The following FXYD7 variants were observed in gnomAD, a reference collection of about 807,000 sequenced individuals.
The protein encoded by FXYD7 is FXYD domain containing ion transport regulator 7, also known as FXYD domain-containing ion transport regulator 7.
In FXYD7, 7 loss-of-function variants were observed where a neutral mutation model predicts 15.3. That is an observed-to-expected ratio of 0.46 (90% CI 0.26 to 0.86). The LOEUF (loss-of-function observed/expected upper bound fraction) is 0.86, where lower values mean the gene tolerates loss of function less well. FXYD7 is among the 40% of genes least tolerant of loss of function. The pLI is 0.16. For synonymous variants in FXYD7, 39 were observed against 39.3 expected, an observed-to-expected ratio of 0.99 and a Z score of 0.03; for missense variants, 78 against 100.6, an observed-to-expected ratio of 0.78 and a Z score of 0.96.
intron 1 of FXYD7, among the ~76,000 whole-genome samples, chr19:35,148,098 AGAG>A: frequency 7.9e-6 from 1 of 126,732 alleles, no homozygotes; most frequent in East Asian, 2.6e-4. Flanking sequence ...AAAGAAAGAG[AGAG>A]AGAAAGAAAG....
rs954084904 is a variant in FXYD7 at position 35,153,033 on chromosome 19, C to CTTTTTTTTTTTT, written c.221-843_221-832dup. On this transcript the variant is annotated intron_variant, in intron 5 of 5. Transcript: ENST00000270310. Reference sequence around the variant, plus strand: ...TTGGTGTGGAATTTGTTTCACGTTCCTTTTTTTTTTTTTTTTTTTTTTTTT... The same window carrying CTTTTTTTTTTTT: ...TTGGTGTGGAATTTGTTTCACGTTCCTTTTTTTTTTTTTTTTTTTTTTTTTTTTTTTTTTTTT... Among the ~76,000 whole-genome samples the CTTTTTTTTTTTT allele has an allele frequency of 1.5e-3, 67 of 44,126 alleles. 6 individuals are homozygous for CTTTTTTTTTTTT. Among genetic ancestry groups the CTTTTTTTTTTTT allele is most frequent in the African/African-American group, 5.1e-3 (49 of 9,620 alleles). 28.9% of individuals were successfully genotyped at this position (44,126 alleles called of 152,430 possible).
chr19:35,145,671 C>T (rs866710545), intron 1 of FXYD7, among the ~76,000 whole-genome samples: 13 of 152,348 alleles, frequency 8.5e-5, no homozygotes, highest in Middle Eastern at 3.4e-3. Flanking sequence ...CCTGAAGCAG[C>T]GTCTCACCAT....
chr19:35,149,602 A>G (rs959946607), intron 2 of FXYD7: 1 of 154,996 alleles, frequency 6.5e-6, no homozygotes, highest in Non-Finnish European at 1.4e-5. Flanking sequence ...TGAGTGCTCC[A>G]TAAATTCATA....
chr19:35,152,922 T>C (rs1445225858), intron 5 of FXYD7, among the ~76,000 whole-genome samples: 1 of 142,736 alleles, frequency 7.0e-6, no homozygotes, highest in Non-Finnish European at 1.5e-5. Flanking sequence ...TCTGTGTCTC[T>C]TATAAAGTTC....
Position 35,153,996 on chromosome 19 carries a change from G to T in FXYD7, c.*80G>T. On this transcript the variant is annotated 3_prime_UTR_variant, in exon 6 of 6. Coordinates refer to ENST00000270310, the MANE Select transcript of FXYD7 (RefSeq NM_022006.2). The stretch of plus-strand genomic sequence containing the variant: ...ACCGGGTGGAGGCGGTGGGGACCCA[G>T]CCGCGCGCCGGGAGCGCTCCCCGGA... The T allele has an allele frequency of 7.1e-7, 1 of 1,416,550 alleles. No homozygotes were observed. The highest frequency in any genetic ancestry group is 9.9e-7 in the Non-Finnish European group (1 of 1,013,944). The allele number at this position is 1,416,550 out of a possible 1,614,324, so 87.7% of individuals were successfully genotyped here.
chr19:35,146,851 G>A (rs1223274777), intron 1 of FXYD7, among the ~76,000 whole-genome samples: 1 of 152,156 alleles, frequency 6.6e-6, no homozygotes, highest in Non-Finnish European at 1.5e-5. Flanking sequence ...CAGAGACCTG[G>A]GAAGGGTAAA....
At chr19:35,152,152 AAAAG>A (rs2065313259) in intron 5 of FXYD7, among the ~76,000 whole-genome samples, 1 of 149,698 alleles carries the variant, frequency 6.7e-6, no homozygotes, top group African/African-American at 2.5e-5. Context: ...AAAAAAAAAA[AAAAG>A]AGGAAGGAAG....
At chr19:35,144,466 A>T (rs114149366) in intron 1 of FXYD7, among the ~76,000 whole-genome samples, 2,542 of 152,272 alleles carry the variant, frequency 0.017, 50 homozygotes, top group African/African-American at 0.056. Flanking sequence ...CTGCTTCAAG[A>T]GGGAGCCAGT....
chr19:35,151,775 G>T, intron 5 of FXYD7, 102 bp downstream of exon 5: 2 of 742,934 alleles, frequency 2.7e-6, no homozygotes, highest in East Asian at 2.7e-5. Flanking sequence ...GCAGGGGGCG[G>T]AGGGGGGGTG....
intron 1 of FXYD7, among the ~76,000 whole-genome samples, chr19:35,144,756 G>T (rs2065283073): frequency 6.6e-6 from 1 of 152,096 alleles, no homozygotes; most frequent in African/African-American, 2.4e-5. Flanking sequence ...TGGTTAGCAG[G>T]ATCGATGGCA....
At chr19:35,149,123 T>C in intron 2 of FXYD7, 1 of 455,966 alleles carries the variant, frequency 2.2e-6, no homozygotes, top group South Asian at 1.6e-5. Flanking sequence ...CAAGGGATAG[T>C]AATAGTTCCC....
chr19:35,144,561 T>A (rs1600490329), intron 1 of FXYD7, among the ~76,000 whole-genome samples: 1 of 149,944 alleles, frequency 6.7e-6, no homozygotes, highest in East Asian at 2.0e-4. Context: ...GAATTCCACT[T>A]GGATGGCTCC....
chr19:35,144,996 A>G (rs926136095), intron 1 of FXYD7, among the ~76,000 whole-genome samples: 1 of 152,152 alleles, frequency 6.6e-6, no homozygotes, highest in African/African-American at 2.4e-5. Context: ...AGGGAGAGTT[A>G]GGAGTGAACA....
chr19:35,151,635 CA>C lies in FXYD7; in HGVS notation c.184del (p.Thr62ProfsTer37). The C allele has an allele frequency of 6.2e-7, 1 of 1,612,930 alleles. No homozygotes were observed. The highest frequency in any genetic ancestry group is 1.1e-5 in the South Asian group (1 of 91,058). On this transcript the variant is annotated frameshift_variant, in exon 5 of 6. Transcript: ENST00000270310. LOFTEE classifies it high-confidence loss of function. The stretch of plus-strand genomic sequence containing the variant: ...CTCTCTCATCTCTGCCTCCACAGCC[CA>C]ACCTGCAAATCCTGTAAGTCTGAGC... ...CRKADSRSES[P>X]TCKSCKSELP...
Position 35,148,688 on chromosome 19 carries a change from C to T in FXYD7, c.32-6C>T. 6.4e-7 allele frequency: 1 copy of T among 1,556,394 alleles called. No individual in the cohort carries two copies. The highest frequency in any genetic ancestry group is 1.2e-5 in the South Asian group (1 of 84,394). On this transcript the variant is annotated splice_region_variant and splice_polypyrimidine_tract_variant and intron_variant, in intron 1 of 5. Transcript: ENST00000270310. ...CTTTCTCTTTTTCTCTGCTTCTTTC[C>T]CTCAGCTCCTGAGGAACCTGACCCA...
rs779135160 is a variant in FXYD7, at chr19:35,143,653, G to A, written c.31+289G>A. ...CTATGGCAACCGGGTGGCTGGTCCC[G>A]CACCGTGGTGGTAGCAGACGGGGAA... On this transcript the variant is annotated intron_variant, in intron 1 of 5. Transcript: ENST00000270310. The surrounding 1 kb of genome is among the most constrained non-coding windows in gnomAD (Gnocchi z 4.3). Among the ~76,000 whole-genome samples the A allele has an allele frequency of 1.3e-5, 2 of 151,944 alleles. No homozygotes were observed. The highest frequency in any genetic ancestry group is 1.9e-4 in the East Asian group (1 of 5,174).
chr19:35,149,213 C>G, intron 2 of FXYD7: 1 of 360,652 alleles, frequency 2.8e-6, no homozygotes, highest in Non-Finnish European at 5.5e-6. Context: ...ATAAGCTACC[C>G]CAGGCCTGGT....
At chr19:35,152,386 G>A (rs764887369) in intron 5 of FXYD7, among the ~76,000 whole-genome samples, 28 of 151,906 alleles carry the variant, frequency 1.8e-4, no homozygotes, top group Non-Finnish European at 3.5e-4. Flanking sequence ...AGGAGGGAGA[G>A]AGAGGGAGCA....
At chr19:35,153,310 T>G (rs939584519) in intron 5 of FXYD7, among the ~76,000 whole-genome samples, 1 of 152,176 alleles carries the variant, frequency 6.6e-6, no homozygotes, top group Non-Finnish European at 1.5e-5. Context: ...TCCGCCATCC[T>G]CGGCCTCCCA....
Sources: allele counts gnomAD v4.1 joint callset (sites outside exome capture counted in the v4.1 genomes callset), GRCh38; gene constraint gnomAD v4.1.1; non-coding constraint Gnocchi (gnomAD v3.1); transcripts MANE v1.5; gene names NCBI Gene and HGNC (gene_info 2026-07-23, HGNC 2026-07-21).